Variants in ANKRD6 observed in about 807,000 individuals in gnomAD.
ANKRD6 encodes the protein ankyrin repeat domain-containing protein 6.
In ANKRD6, 56 loss-of-function variants were observed where a neutral mutation model predicts 82.3. The observed-to-expected ratio is 0.68, with a 90% CI of 0.55 to 0.85. The LOEUF is 0.85. Ranked by LOEUF, ANKRD6 falls within the 40% of genes least tolerant of loss-of-function variation. The probability of loss-of-function intolerance (pLI) is 0.00; values close to 1 mark genes in which losing one functional copy is unlikely to be tolerated. For missense variants in ANKRD6, 852 were observed against 907.6 expected, an observed-to-expected ratio of 0.94 and a Z score of 0.79; for synonymous variants, 347 against 352.1, an observed-to-expected ratio of 0.99 and a Z score of 0.16.
At chr6:89,618,171 TG>T in intron 9 of ANKRD6, 140 bp downstream of exon 9, 1 of 928,368 alleles carries the variant, frequency 1.1e-6, no homozygotes, top group Non-Finnish European at 1.8e-6. Context: ...TAGGCATGCA[TG>T]GGGGCCCAGG....
intron 1 of ANKRD6, among the ~76,000 whole-genome samples, chr6:89,449,264 T>A (rs1341703599): frequency 6.6e-6 from 1 of 152,076 alleles, no homozygotes. Context: ...ATTCAAGACT[T>A]GGTGGAGGAA....
intron 2 of ANKRD6, among the ~76,000 whole-genome samples, chr6:89,571,496 AT>A (rs1338612798): frequency 6.6e-6 from 1 of 151,950 alleles, no homozygotes; most frequent in Non-Finnish European, 1.5e-5. Context: ...TAATCTGGTT[AT>A]TTGATTTTTT....
rs564292938 is a variant in ANKRD6 at position 89,436,771 on chromosome 6, G to A, written c.-144+3396G>A. Among the ~76,000 whole-genome samples, 7 of 152,292 alleles carry A rather than the reference G, an allele frequency of 4.6e-5. No homozygotes were observed. The South Asian group carries it at 1.4e-3, about 32-fold the overall frequency. On this transcript the variant is annotated intron_variant, in intron 1 of 15. Transcript: ENST00000339746. ...TTTTTTAAAAACAAATTCTGTTGAT[G>A]GTGCCCCACTGCTGGACTGTACCAA... is the stretch of plus-strand genomic sequence containing the variant.
At chr6:89,517,526 C>T (rs1184710691) in intron 1 of ANKRD6, among the ~76,000 whole-genome samples, 5 of 151,926 alleles carry the variant, frequency 3.3e-5, no homozygotes, top group East Asian at 1.9e-4. Context: ...AGTATAATGT[C>T]GAAAGAAGTT....
At chr6:89,444,836 C>T (rs947445348) in intron 1 of ANKRD6, among the ~76,000 whole-genome samples, 7 of 152,022 alleles carry the variant, frequency 4.6e-5, no homozygotes, top group South Asian at 2.1e-4. Context: ...GGCATGGTGG[C>T]GCACACCTGT....
chr6:89,441,080 C>T lies in ANKRD6; in HGVS notation c.-144+7705C>T, dbSNP rs1228411671. Reference sequence around the variant, plus strand: ...ATAATAACTCTGTTCCTAGTTAGAACCTACTTAATCTCTGTGGCCCACTGT... The same window carrying T: ...ATAATAACTCTGTTCCTAGTTAGAATCTACTTAATCTCTGTGGCCCACTGT... On this transcript the variant is annotated intron_variant, in intron 1 of 15. Transcript: ENST00000339746. Among the ~76,000 whole-genome samples the T allele has an allele frequency of 2.6e-5, 4 of 152,074 alleles. No homozygotes were observed. The East Asian group carries it at 5.8e-4, about 22-fold the overall frequency.
At chr6:89,554,079 G>A (rs1193559033) in intron 1 of ANKRD6, among the ~76,000 whole-genome samples, 1 of 152,170 alleles carries the variant, frequency 6.6e-6, no homozygotes, top group Non-Finnish European at 1.5e-5. Context: ...ACAAGTAATT[G>A]GTGAAGAGTT....
At chr6:89,623,198 A>G (rs1253902384) in intron 10 of ANKRD6, among the ~76,000 whole-genome samples, 2 of 152,338 alleles carry the variant, frequency 1.3e-5, no homozygotes, top group Admixed American at 1.3e-4. Flanking sequence ...CCTAATAAAT[A>G]CAATAAAAGC....
intron 1 of ANKRD6, among the ~76,000 whole-genome samples, chr6:89,549,318 T>C (rs1785505443): frequency 1.3e-5 from 2 of 152,114 alleles, no homozygotes; most frequent in African/African-American, 4.8e-5. Flanking sequence ...CACTTGTAAA[T>C]TGATTAATGC....
At chr6:89,499,029 G>A (rs1778964741) in intron 1 of ANKRD6, among the ~76,000 whole-genome samples, 3 of 152,164 alleles carry the variant, frequency 2.0e-5, no homozygotes, top group African/African-American at 7.2e-5. Flanking sequence ...TTCCAGCCAG[G>A]AGTGGTTATG....
intron 1 of ANKRD6, among the ~76,000 whole-genome samples, chr6:89,534,034 C>A (rs74755443): frequency 0.012 from 1,901 of 152,244 alleles, 40 homozygotes; most frequent in African/African-American, 0.044. Flanking sequence ...TTTCTAACTG[C>A]CTATTGCATT....
chr6:89,546,212 C>T (rs1431078993), intron 1 of ANKRD6, among the ~76,000 whole-genome samples: 1 of 152,110 alleles, frequency 6.6e-6, no homozygotes, highest in Non-Finnish European at 1.5e-5. Context: ...GTAAAAACAC[C>T]AGGAGGGGAG....
In ANKRD6 at chr6:89,603,141, G is replaced by A; in HGVS notation, c.318+14G>A. 1 of 1,588,506 alleles carries A rather than the reference G, an allele frequency of 6.3e-7. No individual in the cohort carries two copies. The highest frequency in any genetic ancestry group is 8.6e-7 in the Non-Finnish European group (1 of 1,168,066). On this transcript the variant is annotated intron_variant, in intron 4 of 15. Transcript: ENST00000339746. ...AGACAAGACAAGGTGAGTGGACACT[G>A]AGCTTCCTTACTCCCCAAGGCAAGG...
rs577303515 is a variant in ANKRD6, at chr6:89,571,409, A to C, written c.120+4313A>C. On this transcript the variant is annotated intron_variant, in intron 2 of 15. Coordinates refer to ENST00000339746, the MANE Select transcript of ANKRD6 (RefSeq NM_001242809.2). ...TGTCTCTGATTATTAGTGATATTAA[A>C]TGTCTTTTTATATGCTTGTTTGCCA... Among the ~76,000 whole-genome samples the C allele has an allele frequency of 2.0e-5, 3 of 152,146 alleles. No individual in the cohort carries two copies. The East Asian group carries it at 5.8e-4, about 29-fold the overall frequency.
intron 1 of ANKRD6, chr6:89,505,103 G>C (rs1447814003): frequency 1.3e-5 from 2 of 152,160 alleles, no homozygotes; most frequent in Non-Finnish European, 2.9e-5. Flanking sequence ...CTTCTCTGCA[G>C]GCAGAGTTGG....
intron 1 of ANKRD6, among the ~76,000 whole-genome samples, chr6:89,562,173 G>A (rs1365307158): frequency 6.6e-6 from 1 of 152,230 alleles, no homozygotes; most frequent in Non-Finnish European, 1.5e-5. Context: ...GCAGTCGACA[G>A]CACTCAGAAC....
At position 89,625,737 on chromosome 6, in the gene ANKRD6, CT is replaced by C. The variant is rs370616881; in HGVS notation, c.1371+1066del. ...TTTCGTAAAATAGTATTTGTTACAACTTTTTTTTTTTTTTTTTTTTAGATGG... is the reference window on the plus strand; with the variant it reads ...TTTCGTAAAATAGTATTTGTTACAACTTTTTTTTTTTTTTTTTTTAGATGG... On this transcript the variant is annotated intron_variant, in intron 13 of 15. Transcript: ENST00000339746. Among the ~76,000 whole-genome samples, 936 of 140,096 alleles carry C rather than the reference CT, an allele frequency of 6.7e-3. 3 individuals carry two copies. Among genetic ancestry groups the C allele is most frequent in the African/African-American group, 0.01 (392 of 37,732 alleles). The allele number at this position is 140,096 out of a possible 152,430, so 91.9% of individuals were successfully genotyped here.
intron 2 of ANKRD6, among the ~76,000 whole-genome samples, chr6:89,579,337 C>T (rs1791913916): frequency 6.6e-6 from 1 of 152,166 alleles, no homozygotes; most frequent in African/African-American, 2.4e-5. Context: ...ATAGTAGGCA[C>T]TGAGGGGATT....
intron 1 of ANKRD6, among the ~76,000 whole-genome samples, chr6:89,553,732 G>T (rs778672815): frequency 6.6e-6 from 1 of 152,058 alleles, no homozygotes; most frequent in Non-Finnish European, 1.5e-5. Flanking sequence ...CTCTCGTCTC[G>T]CCCTCACCAG....
Sources: gnomAD v4.1 joint callset for allele counts (sites outside exome capture counted in the v4.1 genomes callset) on GRCh38, gnomAD v4.1.1 for gene constraint, MANE v1.5 for transcripts, NCBI Gene and HGNC (gene_info 2026-07-23, HGNC 2026-07-21) for gene names.